The following CEP97 variants were observed in gnomAD, a reference collection of about 807,000 sequenced individuals.
The protein encoded by CEP97 is centrosomal protein of 97 kDa.
CEP97 carries 43 observed loss-of-function variants against 73.1 expected under a neutral mutation model. The ratio of observed to expected loss-of-function variants is 0.59; its 90% CI spans 0.46 to 0.76. The LOEUF (loss-of-function observed/expected upper bound fraction) is 0.76, where lower values mean the gene tolerates loss of function less well. Ranked by LOEUF, CEP97 falls within the 30% of genes least tolerant of loss-of-function variation. The pLI is 0.00. For synonymous variants in CEP97, 337 were observed against 370.0 expected, an observed-to-expected ratio of 0.91 and a Z score of 1.02; for missense variants, 939 against 1,014.0, an observed-to-expected ratio of 0.93 and a Z score of 1.00.
rs113730099 is a variant in CEP97, at chr3:101,724,651, C to A, written c.-26C>A. 8 of 1,614,086 alleles carry A rather than the reference C, an allele frequency of 5.0e-6. No individual in the cohort carries two copies. The South Asian group carries it at 8.8e-5, about 18-fold the overall frequency. On this transcript the variant is annotated 5_prime_UTR_variant, in exon 1 of 11. Transcript: ENST00000341893. ...CCACAGAGCCGCGGGAGGACGGTTG[C>A]CTGGTATTATTAGCAAGCAGCAAAT... is the stretch of plus-strand genomic sequence containing the variant.
intron 2 of CEP97, 50 bp from the exon 3 acceptor site, chr3:101,727,333 T>G: frequency 6.8e-7 from 1 of 1,475,030 alleles, no homozygotes; most frequent in East Asian, 2.3e-5. Context: ...TAATGTGAAA[T>G]ATTTTATATA....
chr3:101,764,150 A>G (rs1037622322), intron 10 of CEP97, among the ~76,000 whole-genome samples: 3 of 152,148 alleles, frequency 2.0e-5, no homozygotes, highest in Non-Finnish European at 2.9e-5. Context: ...TGACTGCTGG[A>G]AAAAAGAGCT....
Position 101,765,293 on chromosome 3 carries a change from A to T in CEP97, c.2340A>T (p.Gln780His). ...SLLEQYLTSV[Q>H]QLEDADERTN... ...TTGAACAGTATTTAACTTCAGTTCA[A>T]CAGCTGGAAGATGCTGATGAGAGGA... is the stretch of plus-strand genomic sequence containing the variant. The change falls in exon 11 of 11, where the codon CAA (glutamine) becomes CAT (histidine). Residue 780 changes from glutamine (Q) to histidine (H), a missense_variant. Gln to His is a conservative substitution (Grantham distance 24). Transcript: ENST00000341893. 2 of 1,614,184 alleles carry T rather than the reference A, an allele frequency of 1.2e-6. No homozygotes were observed. Among genetic ancestry groups the T allele is most frequent in the Non-Finnish European group, 1.7e-6 (2 of 1,180,024 alleles).
intron 5 of CEP97, 71 bp from the exon 6 acceptor site, chr3:101,732,417 T>C: frequency 9.9e-7 from 1 of 1,014,254 alleles, no homozygotes; most frequent in East Asian, 2.4e-5. Context: ...GCCAAAGATA[T>C]GTAATCAGTG....
intron 6 of CEP97, among the ~76,000 whole-genome samples, chr3:101,741,388 A>C (rs555890154): frequency 1.3e-5 from 2 of 152,348 alleles, no homozygotes; most frequent in South Asian, 4.1e-4. Context: ...CATCAAAAGC[A>C]ATGGCAACAA....
chr3:101,733,213 T>C (rs1001362313), intron 6 of CEP97, among the ~76,000 whole-genome samples: 2 of 152,228 alleles, frequency 1.3e-5, no homozygotes, highest in African/African-American at 2.4e-5. Flanking sequence ...AAAGTTCTTT[T>C]GTTAATCAGT....
intron 6 of CEP97, among the ~76,000 whole-genome samples, chr3:101,737,646 A>T (rs1938319793): frequency 1.3e-5 from 2 of 152,220 alleles, no homozygotes; most frequent in African/African-American, 2.4e-5. Context: ...AGGCTGAGAG[A>T]TTTTGTTACC....
At chr3:101,746,220 G>A (rs1403586820) in intron 6 of CEP97, among the ~76,000 whole-genome samples, 1 of 152,188 alleles carries the variant, frequency 6.6e-6, no homozygotes, top group Non-Finnish European at 1.5e-5. Flanking sequence ...AAACATATGT[G>A]TGCATGTGTC....
At chr3:101,726,160 A>G (rs1937881155) in intron 1 of CEP97, among the ~76,000 whole-genome samples, 1 of 152,128 alleles carries the variant, frequency 6.6e-6, no homozygotes, top group Non-Finnish European at 1.5e-5. Flanking sequence ...ATTTTATGGG[A>G]GAATTAGTTG....
rs374156799 is a variant in CEP97 at position 101,730,956 on chromosome 3, T to G, written c.448-884T>G. 1.3e-3 allele frequency among the ~76,000 whole-genome samples: 178 copies of G among 133,966 alleles called. 4 individuals are homozygous for G. The East Asian group carries it at 0.027, about 20-fold the overall frequency. The allele number at this position is 133,966 out of a possible 152,430, so 87.9% of individuals were successfully genotyped here. Reference sequence around the variant, plus strand: ...TTCAAATGAACCAAAGATGATTGAATTTTTTTTTTTTTTTTTGCTGGAATA... The same window carrying G: ...TTCAAATGAACCAAAGATGATTGAAGTTTTTTTTTTTTTTTTGCTGGAATA... On this transcript the variant is annotated intron_variant, in intron 4 of 10. Coordinates refer to ENST00000341893, the MANE Select transcript of CEP97 (RefSeq NM_024548.4).
chr3:101,737,402 A>G (rs1938311131), intron 6 of CEP97, among the ~76,000 whole-genome samples: 1 of 152,318 alleles, frequency 6.6e-6, no homozygotes, highest in South Asian at 2.1e-4. Context: ...CAGATTCGCC[A>G]AAGTTGAAAT....
At chr3:101,739,412 A>G (rs2107148163) in intron 6 of CEP97, among the ~76,000 whole-genome samples, 1 of 152,338 alleles carries the variant, frequency 6.6e-6, no homozygotes, top group Non-Finnish European at 1.5e-5. Flanking sequence ...CATTAATGCA[A>G]AAGTCCTCAA....
rs140096758 is a variant in CEP97, at chr3:101,765,312, G to A, written c.2359G>A (p.Glu787Lys). The A allele has an allele frequency of 5.0e-6, 8 of 1,614,156 alleles. No homozygotes were observed. In the East Asian group the frequency reaches 1.1e-4, roughly 22 times the overall value. ...AGTTCAACAGCTGGAAGATGCTGATGAGAGGACCAATTTTGATACAGAGAC... is the reference window on the plus strand; with the variant it reads ...AGTTCAACAGCTGGAAGATGCTGATAAGAGGACCAATTTTGATACAGAGAC... ...TSVQQLEDAD[E>K]RTNFDTETRD... Residue 787 changes from glutamate to lysine, a missense_variant, in exon 11 of 11, where the codon GAG becomes AAG. Transcript: ENST00000341893.
chr3:101,729,035 A>G (rs1345081268), intron 4 of CEP97, 98 bp downstream of exon 4: 1 of 704,580 alleles, frequency 1.4e-6, no homozygotes, highest in Non-Finnish European at 2.5e-6. Flanking sequence ...GTATGAGCAG[A>G]TTGCTTTCTT....
Position 101,757,923 on chromosome 3 carries a change from T to C in CEP97, c.1317T>C (p.Ser439=). 1 of 1,614,236 alleles carries C rather than the reference T, an allele frequency of 6.2e-7. No homozygotes were observed. The highest frequency in any genetic ancestry group is 8.5e-7 in the Non-Finnish European group (1 of 1,180,042). The change falls in exon 9 of 11, where the codon TCT becomes TCC. Residue 439 remains serine (S), a synonymous_variant. Coordinates refer to ENST00000341893, the MANE Select transcript of CEP97 (RefSeq NM_024548.4). ...AAGATGATGGTGTTGCAGATGAATC[T>C]GTGAAAGGGCTGGAAAGCCAGGTGT... ...GLEDDGVADE[S]VKGLESQVLD...
chr3:101,739,145 C>T (rs1398716164), intron 6 of CEP97, among the ~76,000 whole-genome samples: 1 of 152,294 alleles, frequency 6.6e-6, no homozygotes, highest in East Asian at 1.9e-4. Context: ...CTGAATAGAT[C>T]AATAACAAGT....
At chr3:101,747,142 C>G (rs1191117462) in intron 6 of CEP97, among the ~76,000 whole-genome samples, 1 of 150,566 alleles carries the variant, frequency 6.6e-6, no homozygotes, top group Non-Finnish European at 1.5e-5. Flanking sequence ...GAATCTAGAA[C>G]TAGAAATAAC....
At chr3:101,747,063 A>G (rs1194270741) in intron 6 of CEP97, among the ~76,000 whole-genome samples, 1 of 148,824 alleles carries the variant, frequency 6.7e-6, no homozygotes, top group Non-Finnish European at 1.5e-5. Context: ...AAACAGGAAC[A>G]CTTTTACACT....
intron 4 of CEP97, among the ~76,000 whole-genome samples, chr3:101,731,477 A>G (rs1258776888): frequency 6.6e-6 from 1 of 152,212 alleles, no homozygotes; most frequent in Non-Finnish European, 1.5e-5. Context: ...CTGGGATTAC[A>G]GGCATGAGCC....
Sources: allele counts gnomAD v4.1 joint callset (sites outside exome capture counted in the v4.1 genomes callset), GRCh38; gene constraint gnomAD v4.1.1; transcripts MANE v1.5; gene names NCBI Gene and HGNC (gene_info 2026-07-23, HGNC 2026-07-21).